The following BCKDHB variants were observed in gnomAD, a reference collection of about 807,000 sequenced individuals.
BCKDHB encodes the protein 2-oxoisovalerate dehydrogenase subunit beta, mitochondrial.
Under a neutral mutation model 48.5 loss-of-function variants are expected in BCKDHB, and 41 were observed. The observed-to-expected ratio is 0.85, with a 90% confidence interval of 0.66 to 1.10. BCKDHB has a LOEUF of 1.10. BCKDHB is among the 50% of genes least tolerant of loss of function. The probability of loss-of-function intolerance (pLI) is 0.00; values close to 1 mark genes in which losing one functional copy is unlikely to be tolerated. For synonymous variants in BCKDHB, 201 were observed against 174.8 expected (o/e 1.15, Z -1.18); for missense variants, 496 against 494.2 (o/e 1.00, Z -0.03).
chr6:80,132,141 A>C (rs911259468), intron 3 of BCKDHB, among the ~76,000 whole-genome samples: 1 of 151,204 alleles, frequency 6.6e-6, no homozygotes, highest in Non-Finnish European at 1.5e-5. Flanking sequence ...CTTCCTTTGC[A>C]CTTGCTATCT....
the BCKDHB span, among the ~76,000 whole-genome samples, chr6:80,393,650 C>G: frequency 6.6e-6 from 1 of 152,174 alleles, no homozygotes; most frequent in Non-Finnish European, 1.5e-5. Flanking sequence ...GCTATGACAA[C>G]ACCCCATCAG....
At chr6:80,162,388 A>G (rs752910139) in intron 3 of BCKDHB, among the ~76,000 whole-genome samples, 3 of 152,138 alleles carry the variant, frequency 2.0e-5, no homozygotes, top group African/African-American at 4.8e-5. Flanking sequence ...AAGGGTTCCT[A>G]TCAACCCCTC....
chr6:80,166,677 CATA>C (rs1014282714), intron 3 of BCKDHB, among the ~76,000 whole-genome samples: 4 of 151,650 alleles, frequency 2.6e-5, no homozygotes, highest in African/African-American at 9.7e-5. Flanking sequence ...AAAATTCTAA[CATA>C]AGAATTTTTT....
Position 80,141,021 on chromosome 6 carries a change from G to T in BCKDHB, c.343+11792G>T, listed in dbSNP as rs1175075433. 2.0e-5 allele frequency among the ~76,000 whole-genome samples: 3 copies of T among 152,050 alleles called. No homozygotes were observed. The East Asian group carries it at 5.8e-4, about 29-fold the overall frequency. ...TATTCAGAGATTCAACTTCTTCCTG[G>T]TTTAGTCTTGGGAGAGTGTACGTGT... On this transcript the variant is annotated intron_variant, in intron 3 of 9. Coordinates refer to ENST00000320393, the MANE Select transcript of BCKDHB (RefSeq NM_183050.4).
intron 1 of BCKDHB, among the ~76,000 whole-genome samples, chr6:80,114,063 T>A (rs115312990): frequency 0.013 from 1,910 of 152,122 alleles, 37 homozygotes; most frequent in African/African-American, 0.044. Flanking sequence ...GCAGGAGGGT[T>A]GCAAAGGGAG....
intron 1 of BCKDHB, among the ~76,000 whole-genome samples, chr6:80,125,059 G>A (rs1770270529): frequency 6.6e-6 from 1 of 152,136 alleles, no homozygotes; most frequent in Non-Finnish European, 1.5e-5. Context: ...AAGCTGTTTT[G>A]TCTCCATTGA....
intron 9 of BCKDHB, among the ~76,000 whole-genome samples, chr6:80,279,398 C>T (rs1408695229): frequency 6.6e-6 from 1 of 152,094 alleles, no homozygotes; most frequent in Non-Finnish European, 1.5e-5. Context: ...TCAAGTGATC[C>T]TCCTGCCTCT....
In BCKDHB at chr6:80,226,184, TAG is replaced by T. The variant is rs567809774; in HGVS notation, c.951+22975_951+22976del. ...TATGTTAACATTTCACTGCATTGTG[TAG>T]AGTCTTATTTTGTTTTTCCATGAGG... On this transcript the variant is annotated intron_variant, in intron 8 of 9. Transcript: ENST00000320393. Among the ~76,000 whole-genome samples, 13 of 152,362 alleles carry T rather than the reference TAG, an allele frequency of 8.5e-5. No homozygotes were observed. The East Asian group carries it at 2.5e-3, about 29-fold the overall frequency.
At chr6:80,463,254 G>A in the BCKDHB span, 1 of 152,064 alleles carries the variant, frequency 6.6e-6, no homozygotes, top group Non-Finnish European at 1.5e-5. Flanking sequence ...TTTCTTTTTG[G>A]TAAGTATTGA....
the BCKDHB span, among the ~76,000 whole-genome samples, chr6:80,398,550 C>A: frequency 1.3e-5 from 2 of 152,002 alleles, no homozygotes; most frequent in Non-Finnish European, 2.9e-5. Flanking sequence ...CATGAACAGA[C>A]CAACAGTGAG....
At chr6:80,331,728 C>T (rs1040592) in intron 9 of BCKDHB, among the ~76,000 whole-genome samples, 118,030 of 152,108 alleles carry the variant, frequency 0.78, 46,164 homozygotes, top group Admixed American at 0.84. Context: ...CACATTTGCT[C>T]TGCAGCTGTG....
intron 8 of BCKDHB, among the ~76,000 whole-genome samples, chr6:80,219,764 A>G (rs564611090): frequency 3.3e-5 from 5 of 152,280 alleles, no homozygotes; most frequent in African/African-American, 1.2e-4. Flanking sequence ...TGGACTCAAC[A>G]TTTGCTTGAT....
chr6:80,108,344 CAATTCTGTCTTCAAAGCA>C (rs1295039728), intron 1 of BCKDHB, among the ~76,000 whole-genome samples: 34 of 148,956 alleles, frequency 2.3e-4, no homozygotes, highest in East Asian at 1.4e-3. Flanking sequence ...GATGAGCCCT[CAATTCTGTCTTCAAAGCA>C]AATTCTGTCT....
chr6:80,157,693 G>T (rs151313233), intron 3 of BCKDHB, among the ~76,000 whole-genome samples: 2,154 of 151,018 alleles, frequency 0.014, 49 homozygotes, highest in African/African-American at 0.049. Flanking sequence ...TGGTCAGGCT[G>T]GTCTTGAACT....
the BCKDHB span, among the ~76,000 whole-genome samples, chr6:80,382,356 A>G: frequency 1.3e-5 from 2 of 152,208 alleles, no homozygotes; most frequent in African/African-American, 4.8e-5. Context: ...GCCCCTTCTC[A>G]TTCAGAGAGC....
chr6:80,182,720 T>G (rs1193399736), intron 6 of BCKDHB, among the ~76,000 whole-genome samples: 2 of 152,160 alleles, frequency 1.3e-5, no homozygotes, highest in Non-Finnish European at 2.9e-5. Context: ...ATGTGTAACA[T>G]AAAAATATTG....
the BCKDHB span, among the ~76,000 whole-genome samples, chr6:80,409,067 GT>G: frequency 1.2e-4 from 19 of 152,050 alleles, no homozygotes; most frequent in Admixed American, 5.9e-4. Flanking sequence ...GTCCTGGTAT[GT>G]TGTGCCTTTC....
At chr6:80,337,068 G>A (rs1211273851) in intron 9 of BCKDHB, among the ~76,000 whole-genome samples, 7 of 151,978 alleles carry the variant, frequency 4.6e-5, no homozygotes, top group Admixed American at 6.5e-5. Flanking sequence ...AAATTAATTT[G>A]GAGTTGTTGG....
the BCKDHB span, among the ~76,000 whole-genome samples, chr6:80,369,632 T>A: frequency 6.6e-6 from 1 of 152,216 alleles, no homozygotes; most frequent in Non-Finnish European, 1.5e-5. Context: ...GTTCATCTAG[T>A]CACTAACTGC....
Sources: allele counts gnomAD v4.1 joint callset (sites outside exome capture counted in the v4.1 genomes callset), GRCh38; gene constraint gnomAD v4.1.1; transcripts MANE v1.5; gene names NCBI Gene and HGNC (gene_info 2026-07-23, HGNC 2026-07-21).